Variants in THSD7A observed in about 807,000 individuals in gnomAD.
THSD7A encodes thrombospondin type 1 domain containing 7A.
THSD7A carries 96 observed loss-of-function variants against 231.3 expected under a neutral mutation model. That is an observed-to-expected ratio of 0.41 (90% CI 0.35 to 0.49). THSD7A has a LOEUF of 0.49. Ranked by LOEUF, THSD7A falls within the 20% of genes least tolerant of loss-of-function variation. The pLI, the probability that THSD7A is intolerant of heterozygous loss-of-function variation, is 0.05. For synonymous variants in THSD7A, 940 were observed against 743.3 expected (o/e 1.26, Z -4.30); for missense variants, 2,290 against 2,070.2 (o/e 1.11, Z -2.06).
intron 2 of THSD7A, among the ~76,000 whole-genome samples, chr7:11,608,055 G>A (rs1309136244): frequency 2.6e-5 from 4 of 152,072 alleles, no homozygotes; most frequent in African/African-American, 9.7e-5. Context: ...GCATGCAGCT[G>A]CTTACTTATC....
intron 6 of THSD7A, among the ~76,000 whole-genome samples, chr7:11,487,900 C>T (rs919615482): frequency 6.6e-6 from 1 of 152,062 alleles, no homozygotes; most frequent in Non-Finnish European, 1.5e-5. Context: ...AATGTTCTGC[C>T]TATTCTCTAA....
At chr7:11,655,597 G>A (rs1265450533) in intron 1 of THSD7A, among the ~76,000 whole-genome samples, 1 of 151,760 alleles carries the variant, frequency 6.6e-6, no homozygotes, top group Non-Finnish European at 1.5e-5. Context: ...TTACAATAAT[G>A]TCATAGAACA....
intron 13 of THSD7A, among the ~76,000 whole-genome samples, chr7:11,432,634 A>G (rs546632140): frequency 2.6e-5 from 4 of 152,170 alleles, no homozygotes; most frequent in South Asian, 2.1e-4. Flanking sequence ...GTTGGTGCAT[A>G]TTGCTGAATA....
intron 4 of THSD7A, among the ~76,000 whole-genome samples, chr7:11,569,073 G>A (rs1482922322): frequency 1.3e-5 from 2 of 151,506 alleles, no homozygotes; most frequent in Non-Finnish European, 1.5e-5. Flanking sequence ...CATAAGACCT[G>A]AAACTATAAA....
intron 1 of THSD7A, among the ~76,000 whole-genome samples, chr7:11,669,467 G>T (rs1036258402): frequency 2.0e-5 from 3 of 151,988 alleles, no homozygotes; most frequent in Non-Finnish European, 4.4e-5. Context: ...CAGATACTCT[G>T]CAGGGTGAAG....
intron 2 of THSD7A, among the ~76,000 whole-genome samples, chr7:11,615,348 C>T (rs1333067832): frequency 1.3e-5 from 2 of 152,156 alleles, no homozygotes; most frequent in East Asian, 3.9e-4. Flanking sequence ...AGGCATATGA[C>T]CTCTGCTGGA....
intron 1 of THSD7A, among the ~76,000 whole-genome samples, chr7:11,699,177 A>G (rs1224872969): frequency 2.0e-5 from 3 of 151,210 alleles, no homozygotes; most frequent in Non-Finnish European, 3.0e-5. Context: ...TTCAGCTTCA[A>G]TTTAAATACT....
chr7:11,507,601 GT>G (rs386409516), intron 6 of THSD7A, among the ~76,000 whole-genome samples: 64 of 142,794 alleles, frequency 4.5e-4, no homozygotes, highest in South Asian at 8.9e-4. Context: ...AATAATGTGT[GT>G]TTTTTTTTTT....
At chr7:11,380,656 T>C (rs1171222458) in intron 24 of THSD7A, among the ~76,000 whole-genome samples, 3 of 152,192 alleles carry the variant, frequency 2.0e-5, no homozygotes, top group African/African-American at 7.2e-5. Context: ...CACAAAGCAG[T>C]ATTTTGAGTT....
chr7:11,480,999 T>C (rs567194726), intron 7 of THSD7A, among the ~76,000 whole-genome samples: 3 of 152,200 alleles, frequency 2.0e-5, no homozygotes, highest in African/African-American at 7.2e-5. Flanking sequence ...TGCCTTAATA[T>C]GAACAAACTT....
chr7:11,379,844 T>A (rs1733467085), intron 24 of THSD7A, 132 bp from the exon 25 acceptor site: 3 of 987,058 alleles, frequency 3.0e-6, no homozygotes, highest in Admixed American at 4.1e-5. Context: ...AGTGGTTGAC[T>A]GTGAAATATT....
At chr7:11,476,181 C>A (rs1786167587) in intron 7 of THSD7A, among the ~76,000 whole-genome samples, 1 of 151,822 alleles carries the variant, frequency 6.6e-6, no homozygotes, top group Admixed American at 6.6e-5. Context: ...AATGTTGCCT[C>A]CCTTTAGAAT....
rs201286569 is a variant in THSD7A, at chr7:11,641,682, GAA to G, written c.191-4723_191-4722del. On this transcript the variant is annotated intron_variant, in intron 1 of 27. Transcript: ENST00000423059. ...ATAAAAAGATCTACTGAGGCTAAAG[GAA>G]AACAATAAAATGCATGAAGGCACCA... Among the ~76,000 whole-genome samples, 731 of 150,768 alleles carry G rather than the reference GAA, an allele frequency of 4.8e-3. 7 individuals are homozygous for G. Among genetic ancestry groups the G allele is most frequent in the East Asian group, 0.031 (161 of 5,184 alleles).
intron 1 of THSD7A, among the ~76,000 whole-genome samples, chr7:11,810,419 G>A (rs939345175): frequency 3.3e-5 from 5 of 152,116 alleles, no homozygotes; most frequent in East Asian, 1.9e-4. Flanking sequence ...TGATAGCCCC[G>A]ATTACACTGA....
chr7:11,641,029 T>C (rs1782058709), intron 1 of THSD7A, among the ~76,000 whole-genome samples: 2 of 152,224 alleles, frequency 1.3e-5, no homozygotes, highest in South Asian at 4.1e-4. Flanking sequence ...TCAGTGAAAA[T>C]AGTTTTTTGA....
intron 1 of THSD7A, among the ~76,000 whole-genome samples, chr7:11,673,439 G>T (rs1783487663): frequency 6.6e-6 from 1 of 152,170 alleles, no homozygotes; most frequent in African/African-American, 2.4e-5. Context: ...ATCTTGCACA[G>T]AGTGGTTGCA....
chr7:11,797,784 T>G (rs1451123046), intron 1 of THSD7A, among the ~76,000 whole-genome samples: 1 of 152,130 alleles, frequency 6.6e-6, no homozygotes, highest in Non-Finnish European at 1.5e-5. Flanking sequence ...CTAAATTAAT[T>G]TCTAAATAAA....
At chr7:11,755,830 T>G (rs977285663) in intron 1 of THSD7A, among the ~76,000 whole-genome samples, 1 of 152,074 alleles carries the variant, frequency 6.6e-6, no homozygotes, top group African/African-American at 2.4e-5. Context: ...CAGATCTAGA[T>G]GTATTCACTT....
chr7:11,513,668 G>A (rs569078548), intron 6 of THSD7A, among the ~76,000 whole-genome samples: 12 of 152,262 alleles, frequency 7.9e-5, no homozygotes, highest in African/African-American at 2.9e-4. Context: ...CAGTGAAATA[G>A]AATGTTTTCT....
Sources: gnomAD v4.1 joint callset for allele counts (sites outside exome capture counted in the v4.1 genomes callset) on GRCh38, gnomAD v4.1.1 for gene constraint, MANE v1.5 for transcripts, NCBI Gene and HGNC (gene_info 2026-07-23, HGNC 2026-07-21) for gene names.